The following PTPRM variants were observed in gnomAD, a reference collection of about 807,000 sequenced individuals.
PTPRM encodes protein tyrosine phosphatase receptor type M, also known as receptor-type tyrosine-protein phosphatase mu.
A neutral mutation model predicts 186.7 loss-of-function variants in PTPRM; 47 were observed. The ratio of observed to expected loss-of-function variants is 0.25; its 90% CI spans 0.20 to 0.32. PTPRM has a LOEUF of 0.32. Ranked by LOEUF, PTPRM falls within the 10% of genes least tolerant of loss-of-function variation. PTPRM has a pLI of 1.00. For missense variants in PTPRM, 1,494 were observed against 1,865.0 expected (o/e 0.80, Z 3.66); for synonymous variants, 668 against 674.9 (o/e 0.99, Z 0.16).
At chr18:8,178,804 T>A (rs979469384) in intron 14 of PTPRM, among the ~76,000 whole-genome samples, 10 of 150,988 alleles carry the variant, frequency 6.6e-5, no homozygotes, top group Admixed American at 1.3e-4. Flanking sequence ...ATAATAATAA[T>A]AAAATAAAAA....
intron 20 of PTPRM, among the ~76,000 whole-genome samples, chr18:8,304,710 C>T (rs2095200626): frequency 6.6e-6 from 1 of 152,186 alleles, no homozygotes; most frequent in South Asian, 2.1e-4. Flanking sequence ...CTGTGGAAAA[C>T]TTGGGGAACA....
chr18:8,065,985 A>G (rs1253551203), intron 7 of PTPRM, among the ~76,000 whole-genome samples: 1 of 152,220 alleles, frequency 6.6e-6, no homozygotes, highest in Non-Finnish European at 1.5e-5. Flanking sequence ...CACTAGAGTA[A>G]ATGTCCCTGT....
chr18:8,176,061 T>C (rs931585804), intron 14 of PTPRM, among the ~76,000 whole-genome samples: 1 of 152,180 alleles, frequency 6.6e-6, no homozygotes, highest in Admixed American at 6.5e-5. Context: ...ATTCACAAAG[T>C]ATTAAAAATT....
chr18:8,298,010 G>A (rs768409896), intron 20 of PTPRM, among the ~76,000 whole-genome samples: 8 of 152,166 alleles, frequency 5.3e-5, no homozygotes, highest in African/African-American at 1.2e-4. Flanking sequence ...CACTGAGGAC[G>A]CAAAGGCCAT....
chr18:7,707,801 T>C (rs2040127748), intron 1 of PTPRM, among the ~76,000 whole-genome samples: 1 of 152,182 alleles, frequency 6.6e-6, no homozygotes, highest in South Asian at 2.1e-4. Context: ...AGTAACTTGG[T>C]ATGTGGCTTA....
chr18:8,295,299 G>A (rs973107893), intron 19 of PTPRM, among the ~76,000 whole-genome samples: 1 of 152,154 alleles, frequency 6.6e-6, no homozygotes, highest in African/African-American at 2.4e-5. Flanking sequence ...ATTCTACCTA[G>A]CGACAGACTA....
intron 7 of PTPRM, among the ~76,000 whole-genome samples, chr18:8,041,031 G>A (rs1198848359): frequency 1.3e-5 from 2 of 152,220 alleles, no homozygotes; most frequent in Non-Finnish European, 2.9e-5. Flanking sequence ...TGGTGGTAAT[G>A]ACTTGGAATT....
rs114641498 is a variant in PTPRM at position 8,351,976 on chromosome 18, A to G, written c.3054+8456A>G. Among the ~76,000 whole-genome samples, 451 of 152,310 alleles carry G rather than the reference A, an allele frequency of 3.0e-3. 2 individuals carry two copies. The highest frequency in any genetic ancestry group is 0.01 in the African/African-American group (436 of 41,554). ...TCAGTTCCCCTCTGTAAAAAGTTCA[A>G]CCAAAGAGCTCAATTTGTCATGTTC... On this transcript the variant is annotated intron_variant, in intron 23 of 32. Transcript: ENST00000580170.
chr18:7,877,245 T>C (rs905627658), intron 2 of PTPRM, among the ~76,000 whole-genome samples: 1 of 152,160 alleles, frequency 6.6e-6, no homozygotes, highest in Admixed American at 6.5e-5. Flanking sequence ...TAAATCACAC[T>C]AGGAGATTTT....
chr18:7,770,266 T>C (rs2042214604), intron 1 of PTPRM, among the ~76,000 whole-genome samples: 1 of 152,220 alleles, frequency 6.6e-6, no homozygotes, highest in Non-Finnish European at 1.5e-5. Flanking sequence ...TTGTCCCCCA[T>C]AGCATTTATT....
chr18:7,920,429 ACTTAT>A lies in PTPRM; in HGVS notation c.548-6135_548-6131del, dbSNP rs142773968. Reference sequence around the variant, plus strand: ...TATAAGTTATCTTAAAGAGATGACAACTTATCTTTGATGACAAATAAAAGGACAGA... The same window carrying A: ...TATAAGTTATCTTAAAGAGATGACAACTTTGATGACAAATAAAAGGACAGA... On this transcript the variant is annotated intron_variant, in intron 4 of 32. Transcript: ENST00000580170. Among the ~76,000 whole-genome samples the A allele has an allele frequency of 2.2e-4, 33 of 152,310 alleles. No homozygotes were observed. In the East Asian group the frequency reaches 5.4e-3, roughly 25 times the overall value.
chr18:7,892,841 G>C (rs1335675747), intron 3 of PTPRM, among the ~76,000 whole-genome samples: 1 of 152,178 alleles, frequency 6.6e-6, no homozygotes, highest in African/African-American at 2.4e-5. Context: ...GTTAGGGGGA[G>C]GTCAGGGAAG....
intron 13 of PTPRM, among the ~76,000 whole-genome samples, chr18:8,140,225 G>A (rs2092732217): frequency 6.6e-6 from 1 of 152,036 alleles, no homozygotes; most frequent in South Asian, 2.1e-4. Context: ...TTCTGGGCTT[G>A]TACCCTTGGA....
At chr18:8,016,533 AAAAAAAAAAAAAAG>A (rs1187541929) in intron 7 of PTPRM, among the ~76,000 whole-genome samples, 33 of 150,498 alleles carry the variant, frequency 2.2e-4, no homozygotes, top group African/African-American at 7.5e-4. Context: ...AGTCTGTCAA[AAAAAAAAAAAAAAG>A]AAAAAAAAGA....
intron 2 of PTPRM, chr18:7,814,734 T>G (rs1047429072): frequency 1.3e-5 from 2 of 152,224 alleles, no homozygotes; most frequent in Non-Finnish European, 2.9e-5. Context: ...TTCCTGGATT[T>G]TCCTCCTCTA....
intron 1 of PTPRM, among the ~76,000 whole-genome samples, chr18:7,635,571 T>G (rs1416351592): frequency 1.3e-5 from 2 of 152,214 alleles, no homozygotes; most frequent in East Asian, 3.8e-4. Flanking sequence ...TCCTTTAATA[T>G]TGTAGATAAT....
intron 1 of PTPRM, among the ~76,000 whole-genome samples, chr18:7,685,780 A>C (rs2039587790): frequency 6.6e-6 from 1 of 152,128 alleles, no homozygotes; most frequent in South Asian, 2.1e-4. Flanking sequence ...CCACTAGGCA[A>C]GGTCAGGCTG....
intron 20 of PTPRM, among the ~76,000 whole-genome samples, chr18:8,297,357 T>G (rs2095108459): frequency 6.6e-6 from 1 of 152,136 alleles, no homozygotes; most frequent in Non-Finnish European, 1.5e-5. Context: ...TCTATTAGCT[T>G]TATTGATTGT....
chr18:8,072,668 T>C (rs1042366685), intron 8 of PTPRM, among the ~76,000 whole-genome samples: 2 of 152,236 alleles, frequency 1.3e-5, no homozygotes, highest in Non-Finnish European at 2.9e-5. Context: ...AGTTTTATTA[T>C]AGTATAATAC....
Sources: gnomAD v4.1 joint callset for allele counts (sites outside exome capture counted in the v4.1 genomes callset) on GRCh38, gnomAD v4.1.1 for gene constraint, MANE v1.5 for transcripts, NCBI Gene and HGNC (gene_info 2026-07-23, HGNC 2026-07-21) for gene names.